The following LRP1B variants were observed in gnomAD, a reference collection of about 807,000 sequenced individuals.
The protein encoded by LRP1B is LDL receptor related protein 1B.
In LRP1B, 217 loss-of-function variants were observed where a neutral mutation model predicts 556.6. The observed-to-expected ratio is 0.39, with a 90% CI of 0.35 to 0.44. The LOEUF is 0.44. Among genes scored for constraint, LRP1B ranks in the 20% least tolerant of loss-of-function variants. The pLI, the probability that LRP1B is intolerant of heterozygous loss-of-function variation, is 1.00. For missense variants in LRP1B, 5,053 were observed against 5,620.8 expected (o/e 0.90, Z 3.23); for synonymous variants, 2,047 against 1,865.8 (o/e 1.10, Z -2.50).
intron 18 of LRP1B, among the ~76,000 whole-genome samples, chr2:140,970,654 G>A (rs1696384366): frequency 6.6e-6 from 1 of 150,688 alleles, no homozygotes; most frequent in Admixed American, 6.6e-5. Context: ...TTCCTATTTG[G>A]CCATCTTGGA....
intron 2 of LRP1B, among the ~76,000 whole-genome samples, chr2:141,626,799 T>C (rs1688716227): frequency 6.6e-6 from 1 of 152,164 alleles, no homozygotes; most frequent in South Asian, 2.1e-4. Context: ...TTGACAACAT[T>C]AAATGCAGAC....
intron 35 of LRP1B, among the ~76,000 whole-genome samples, chr2:140,738,749 C>T (rs1688034613): frequency 6.6e-6 from 1 of 152,126 alleles, no homozygotes; most frequent in Non-Finnish European, 1.5e-5. Context: ...GCCATCTTTA[C>T]TCACAGACAC....
At chr2:140,624,901 C>T (rs959041366) in intron 41 of LRP1B, among the ~76,000 whole-genome samples, 1 of 152,084 alleles carries the variant, frequency 6.6e-6, no homozygotes, top group Non-Finnish European at 1.5e-5. Flanking sequence ...ATTGCATATT[C>T]CTATGGAAGA....
intron 43 of LRP1B, among the ~76,000 whole-genome samples, chr2:140,581,139 A>G (rs922578514): frequency 6.6e-6 from 1 of 152,224 alleles, no homozygotes; most frequent in Non-Finnish European, 1.5e-5. Flanking sequence ...TTTAAGTTTG[A>G]TATAAGAAGA....
At chr2:141,288,738 CT>C (rs1386129100) in intron 3 of LRP1B, among the ~76,000 whole-genome samples, 1 of 152,024 alleles carries the variant, frequency 6.6e-6, no homozygotes, top group Non-Finnish European at 1.5e-5. Flanking sequence ...CATAATATAC[CT>C]AAAACTCTTT....
rs1348933489 is a variant in LRP1B at position 140,621,561 on chromosome 2, C to T, written c.6800-19922G>A. Among the ~76,000 whole-genome samples the T allele has an allele frequency of 6.6e-5, 10 of 151,946 alleles. No individual in the cohort carries two copies. The South Asian group carries it at 1.7e-3, about 25-fold the overall frequency. On this transcript the variant is annotated intron_variant, in intron 41 of 90. Coordinates refer to ENST00000389484, the MANE Select transcript of LRP1B (RefSeq NM_018557.3). ...GATTAAATTTATTCTACCCATGAAG[C>T]AACAGTTTATGATTTTCAAATGAAT...
At chr2:142,109,330 T>A (rs1041850921) in intron 1 of LRP1B, among the ~76,000 whole-genome samples, 1 of 152,114 alleles carries the variant, frequency 6.6e-6, no homozygotes, top group African/African-American at 2.4e-5. Flanking sequence ...TGATCACACA[T>A]CCATTATGTC....
In LRP1B at chr2:141,131,407, T is replaced by TTTTATATATATATATATATATA. The variant is rs976965390; in HGVS notation, c.1013+57013_1013+57014insTATATATATATATATATATAAA. 2.3e-3 allele frequency among the ~76,000 whole-genome samples: 249 copies of TTTTATATATATATATATATATA among 110,662 alleles called. 4 individuals carry two copies. The highest frequency in any genetic ancestry group is 9.3e-3 in the African/African-American group (239 of 25,826). 72.6% of individuals were successfully genotyped at this position (110,662 alleles called of 152,430 possible). ...GGTTACAAAATTATAATGCATAAAG[T>TTTTATATATATATATATATATA]TATATATATATATATATATATATTT... On this transcript the variant is annotated intron_variant, in intron 7 of 90. Transcript: ENST00000389484.
intron 2 of LRP1B, 150 bp from the exon 3 acceptor site, chr2:141,480,683 T>C: frequency 1.3e-6 from 1 of 780,384 alleles, no homozygotes; most frequent in Non-Finnish European, 2.2e-6. Flanking sequence ...GACATTGAAG[T>C]TAGCCTATGT....
chr2:141,675,567 C>T (rs1690844060), intron 2 of LRP1B, among the ~76,000 whole-genome samples: 1 of 151,470 alleles, frequency 6.6e-6, no homozygotes, highest in South Asian at 2.1e-4. Context: ...CAGTACCTAC[C>T]CTATAGGGAT....
At chr2:140,968,436 G>C (rs1397103073) in intron 18 of LRP1B, among the ~76,000 whole-genome samples, 2 of 150,722 alleles carry the variant, frequency 1.3e-5, no homozygotes, top group Non-Finnish European at 1.5e-5. Context: ...TATTAGTCTT[G>C]CTAGTGGTCT....
At chr2:141,181,305 T>C (rs185744876) in intron 7 of LRP1B, among the ~76,000 whole-genome samples, 171 of 151,742 alleles carry the variant, frequency 1.1e-3, no homozygotes, top group African/African-American at 3.3e-3. Flanking sequence ...AGCAAAGAAA[T>C]AGAAAAAAAG....
At position 140,356,349 on chromosome 2, in the gene LRP1B, T is replaced by C. The variant is rs1394695939; in HGVS notation, c.11523A>G (p.Gln3841=). Reference sequence around the variant, plus strand: ...TGAAGAAAAGTACTCTACCTTCACATTGTCTGTTTTTCATGTTTCTCTGAA... The same window carrying C: ...TGAAGAAAAGTACTCTACCTTCACACTGTCTGTTTTTCATGTTTCTCTGAA... ...PGFQRNMKNR[Q]CEDLNECLVF... The change falls in exon 75 of 91, where the codon CAA becomes CAG. Residue 3841 remains glutamine, a synonymous_variant. Transcript: ENST00000389484. 1.9e-6 allele frequency: 3 copies of C among 1,610,530 alleles called. No homozygotes were observed. Among genetic ancestry groups the C allele is most frequent in the African/African-American group, 1.3e-5 (1 of 74,734 alleles).
chr2:141,825,030 TC>T (rs901442752), intron 1 of LRP1B, among the ~76,000 whole-genome samples: 17 of 152,178 alleles, frequency 1.1e-4, no homozygotes, highest in Non-Finnish European at 2.4e-4. Context: ...GGTATTTTCT[TC>T]CCCTTTGCCT....
chr2:140,323,848 AAAT>A (rs1433906017), intron 81 of LRP1B, 42 bp downstream of exon 81: 1 of 984,194 alleles, frequency 1.0e-6, no homozygotes, highest in Non-Finnish European at 1.5e-6. Flanking sequence ...AGATACAAGA[AAAT>A]AATTTACCAA....
intron 1 of LRP1B, among the ~76,000 whole-genome samples, chr2:142,029,371 C>T (rs1413614965): frequency 2.6e-5 from 4 of 151,906 alleles, no homozygotes; most frequent in African/African-American, 9.7e-5. Flanking sequence ...GGCCAAGCAT[C>T]AATACATACA....
intron 1 of LRP1B, among the ~76,000 whole-genome samples, chr2:141,941,248 T>G (rs1269165383): frequency 6.6e-6 from 1 of 152,192 alleles, no homozygotes; most frequent in African/African-American, 2.4e-5. Context: ...AATACAAATT[T>G]AAAACATCAT....
chr2:141,440,774 C>G (rs1680935248), intron 3 of LRP1B, among the ~76,000 whole-genome samples: 1 of 152,174 alleles, frequency 6.6e-6, no homozygotes, highest in Non-Finnish European at 1.5e-5. Flanking sequence ...TGCACTGGGT[C>G]TCTAAATATT....
At chr2:140,536,873 T>C (rs1462257672) in intron 45 of LRP1B, among the ~76,000 whole-genome samples, 164 bp from the exon 46 acceptor site, 2 of 151,778 alleles carry the variant, frequency 1.3e-5, no homozygotes, top group Non-Finnish European at 2.9e-5. Context: ...GAAATTAAGA[T>C]CTTAAGAAAT....
Sources: gnomAD v4.1 joint callset for allele counts (sites outside exome capture counted in the v4.1 genomes callset) on GRCh38, gnomAD v4.1.1 for gene constraint, MANE v1.5 for transcripts, NCBI Gene and HGNC (gene_info 2026-07-23, HGNC 2026-07-21) for gene names.